The following THSD4 variants were observed in gnomAD, a reference collection of about 807,000 sequenced individuals.
THSD4 encodes the protein thrombospondin type-1 domain-containing protein 4.
THSD4 carries 69 observed loss-of-function variants against 119.0 expected under a neutral mutation model. The observed-to-expected ratio is 0.58, with a 90% CI of 0.48 to 0.71. The LOEUF is 0.71. Ranked by LOEUF, THSD4 falls within the 30% of genes least tolerant of loss-of-function variation. The probability of loss-of-function intolerance (pLI) is 0.00; values close to 1 mark genes in which losing one functional copy is unlikely to be tolerated. For missense variants in THSD4, 1,393 were observed against 1,391.1 expected (o/e 1.00, Z -0.02); for synonymous variants, 524 against 540.4 (o/e 0.97, Z 0.42).
chr15:71,232,434 CAG>C (rs1461640106), intron 4 of THSD4, among the ~76,000 whole-genome samples: 1 of 152,132 alleles, frequency 6.6e-6, no homozygotes, highest in African/African-American at 2.4e-5. Flanking sequence ...CAATAAGAAA[CAG>C]GGAGCATAGC....
chr15:71,491,597 C>A (rs1225255377), intron 7 of THSD4, among the ~76,000 whole-genome samples: 1 of 152,186 alleles, frequency 6.6e-6, no homozygotes, highest in Non-Finnish European at 1.5e-5. Flanking sequence ...TATGGCCCAG[C>A]ATGGTGGCTC....
chr15:71,547,412 G>T, intron 7 of THSD4: 1 of 1,550,396 alleles, frequency 6.4e-7, no homozygotes. Flanking sequence ...GGGTAATAAT[G>T]TTTGTCAGCT....
At chr15:71,577,709 A>ATTTTATTTTATTTTATTTTAT (rs1555428637) in intron 7 of THSD4, among the ~76,000 whole-genome samples, 6 of 109,552 alleles carry the variant, frequency 5.5e-5, no homozygotes, top group African/African-American at 1.7e-4. Flanking sequence ...ACCTTTATTT[A>ATTTTATTTTATTTTATTTTAT]TTTATTTTAT....
At chr15:71,222,341 C>G (rs913745221) in intron 4 of THSD4, among the ~76,000 whole-genome samples, 1 of 152,194 alleles carries the variant, frequency 6.6e-6, no homozygotes, top group Non-Finnish European at 1.5e-5. Flanking sequence ...ATCAGGCAAG[C>G]TTTCCTTCCC....
chr15:71,482,869 G>A (rs1425479041), intron 7 of THSD4, among the ~76,000 whole-genome samples: 1 of 152,198 alleles, frequency 6.6e-6, no homozygotes, highest in Non-Finnish European at 1.5e-5. Context: ...TTACAGGCAT[G>A]AGCCACCACG....
At chr15:71,396,898 G>C (rs1021580195) in intron 6 of THSD4, among the ~76,000 whole-genome samples, 1 of 152,168 alleles carries the variant, frequency 6.6e-6, no homozygotes, top group Non-Finnish European at 1.5e-5. Context: ...TTCAGAAAAA[G>C]GTTGGGTAAC....
intron 7 of THSD4, among the ~76,000 whole-genome samples, chr15:71,447,855 C>T (rs890010678): frequency 6.6e-6 from 1 of 152,140 alleles, no homozygotes; most frequent in Admixed American, 6.5e-5. Flanking sequence ...TTCTGCTCTC[C>T]TTGGCATGTC....
chr15:71,744,917 A>G (rs1212826503), intron 11 of THSD4, among the ~76,000 whole-genome samples, 189 bp from the exon 12 acceptor site: 1 of 152,166 alleles, frequency 6.6e-6, no homozygotes, highest in African/African-American at 2.4e-5. Flanking sequence ...GTTCCTAGCA[A>G]AGACCTGTGA....
intron 7 of THSD4, among the ~76,000 whole-genome samples, chr15:71,488,741 G>A (rs184398619): frequency 6.6e-5 from 10 of 152,052 alleles, no homozygotes; most frequent in African/African-American, 2.4e-4. Flanking sequence ...CTTAGGTTTT[G>A]TAGTTATTTC....
intron 7 of THSD4, among the ~76,000 whole-genome samples, chr15:71,475,392 G>A (rs12907052): frequency 1.3e-5 from 2 of 152,272 alleles, no homozygotes; most frequent in African/African-American, 2.4e-5. Flanking sequence ...AAAATGGCTT[G>A]TGGTTGTTTA....
At chr15:71,437,700 C>T (rs551423711) in intron 7 of THSD4, among the ~76,000 whole-genome samples, 1 of 152,300 alleles carries the variant, frequency 6.6e-6, no homozygotes, top group East Asian at 1.9e-4. Flanking sequence ...GGTCCCTTTA[C>T]ATGTTTGCAA....
chr15:71,474,471 G>A lies in THSD4; in HGVS notation c.1152+62648G>A, dbSNP rs576622226. On this transcript the variant is annotated intron_variant, in intron 7 of 17. Coordinates refer to ENST00000261862, the MANE Select transcript of THSD4 (RefSeq NM_024817.3). ...CTCCTGACCTCATGATCCACCCACC[G>A]TGGCCTCCCAAAGTGCTGGGATTAC... 5.3e-5 allele frequency among the ~76,000 whole-genome samples: 8 copies of A among 151,928 alleles called. No homozygotes were observed. The South Asian group carries it at 1.5e-3, about 28-fold the overall frequency.
At chr15:71,597,387 C>A (rs935342387) in intron 7 of THSD4, among the ~76,000 whole-genome samples, 7 of 152,104 alleles carry the variant, frequency 4.6e-5, no homozygotes, top group Non-Finnish European at 2.9e-5. Context: ...ACACACACAC[C>A]CACAGATATA....
At chr15:71,714,674 C>T (rs1240393536) in intron 8 of THSD4, among the ~76,000 whole-genome samples, 1 of 152,026 alleles carries the variant, frequency 6.6e-6, no homozygotes, top group Admixed American at 6.5e-5. Flanking sequence ...TGGTGAAACC[C>T]TGTCTCTCCT....
At chr15:71,698,070 C>T (rs572170716) in intron 8 of THSD4, among the ~76,000 whole-genome samples, 3 of 152,252 alleles carry the variant, frequency 2.0e-5, no homozygotes, top group Non-Finnish European at 4.4e-5. Context: ...ACTGCAGAGT[C>T]CCTCGGGACC....
intron 6 of THSD4, among the ~76,000 whole-genome samples, chr15:71,323,488 G>A (rs2045300969): frequency 1.3e-5 from 2 of 152,224 alleles, no homozygotes; most frequent in Non-Finnish European, 2.9e-5. Flanking sequence ...AGAAAAGCCT[G>A]TTCCATTCTC....
At chr15:71,504,263 A>G (rs1008108409) in intron 7 of THSD4, among the ~76,000 whole-genome samples, 1 of 152,210 alleles carries the variant, frequency 6.6e-6, no homozygotes, top group Non-Finnish European at 1.5e-5. Context: ...GGTCTGGCCT[A>G]TGATAGGGCT....
intron 7 of THSD4, among the ~76,000 whole-genome samples, chr15:71,502,308 T>A (rs140486456): frequency 1.3e-5 from 2 of 152,158 alleles, no homozygotes; most frequent in African/African-American, 4.8e-5. Context: ...TCAACACTTA[T>A]CATGTGCTAT....
chr15:71,307,000 G>A (rs764508651), intron 6 of THSD4, among the ~76,000 whole-genome samples: 4 of 152,162 alleles, frequency 2.6e-5, no homozygotes, highest in Non-Finnish European at 5.9e-5. Context: ...TTTCTGCCTT[G>A]TCCTCTCTCC....
Sources: allele counts gnomAD v4.1 joint callset (sites outside exome capture counted in the v4.1 genomes callset), GRCh38; gene constraint gnomAD v4.1.1; transcripts MANE v1.5; gene names NCBI Gene and HGNC (gene_info 2026-07-23, HGNC 2026-07-21).